Variants in SOBP observed in about 807,000 individuals in gnomAD.
SOBP encodes the protein sine oculis binding protein homolog.
A neutral mutation model predicts 53.6 loss-of-function variants in SOBP; 4 were observed. The observed-to-expected ratio is 0.07, with a 90% CI of 0.04 to 0.17. The LOEUF (loss-of-function observed/expected upper bound fraction) is 0.17, where lower values mean the gene tolerates loss of function less well. SOBP is among the 10% of genes least tolerant of loss of function. SOBP has a pLI of 1.00. For synonymous variants in SOBP, 584 were observed against 522.6 expected, an observed-to-expected ratio of 1.12 and a Z score of -1.60; for missense variants, 1,088 against 1,204.7, an observed-to-expected ratio of 0.90 and a Z score of 1.43.
At position 107,637,746 on chromosome 6, in the gene SOBP, G is replaced by A. The variant is rs1023316442; in HGVS notation, c.*3+2277G>A. Among the ~76,000 whole-genome samples, 3 of 152,222 alleles carry A rather than the reference G, an allele frequency of 2.0e-5. No homozygotes were observed. The South Asian group carries it at 6.2e-4, about 32-fold the overall frequency. ...CCATCATTGGAGTGAGAAGTGACCAGGTCAAGAATAGTGACACTAACATAT... is the reference window on the plus strand; with the variant it reads ...CCATCATTGGAGTGAGAAGTGACCAAGTCAAGAATAGTGACACTAACATAT... On this transcript the variant is annotated intron_variant, in intron 6 of 6. Transcript: ENST00000317357.
chr6:107,634,728 C>CAGCCCCCCG lies in SOBP; in HGVS notation c.1885_1893dup (p.Ser629_Pro631dup), dbSNP rs2115147479. ...TGGTGGACCTGACGCGGCGCGCCGG[C>CAGCCCCCCG]AGCCCCCCGGGCCCCCCGGGCGCGG... is the stretch of plus-strand genomic sequence containing the variant. On this transcript the variant is annotated inframe_insertion, in exon 6 of 7. Transcript: ENST00000317357. This position sits in a 1 kb window ranked among gnomAD's most constrained non-coding sequence, Gnocchi z 4.5. The CAGCCCCCCG allele has an allele frequency of 7.4e-7, 1 of 1,356,856 alleles. No homozygotes were observed. Among genetic ancestry groups the CAGCCCCCCG allele is most frequent in the Non-Finnish European group, 9.4e-7 (1 of 1,064,144 alleles). The allele number at this position is 1,356,856 out of a possible 1,614,324, so 84.1% of individuals were successfully genotyped here. A position where few individuals can be genotyped will look rare whatever the true frequency, so the allele number is the denominator to read the frequency against.
At chr6:107,596,582 A>G (rs1018582117) in intron 5 of SOBP, among the ~76,000 whole-genome samples, 2 of 152,204 alleles carry the variant, frequency 1.3e-5, no homozygotes, top group Admixed American at 1.3e-4. Context: ...TGAAATGTTA[A>G]ATCAATTAAG....
At chr6:107,495,863 A>G (rs1782686420) in intron 1 of SOBP, among the ~76,000 whole-genome samples, 1 of 152,118 alleles carries the variant, frequency 6.6e-6, no homozygotes, top group Non-Finnish European at 1.5e-5. Context: ...TAGAAGGTAT[A>G]CCATCAAAAT....
intron 6 of SOBP, among the ~76,000 whole-genome samples, chr6:107,643,614 T>C (rs1358017918): frequency 6.6e-6 from 1 of 151,732 alleles, no homozygotes; most frequent in Non-Finnish European, 1.5e-5. Flanking sequence ...AGAGATGGGG[T>C]TTCACCCTGT....
At chr6:107,594,651 G>T (rs530633955) in intron 5 of SOBP, among the ~76,000 whole-genome samples, 1 of 152,164 alleles carries the variant, frequency 6.6e-6, no homozygotes, top group East Asian at 1.9e-4. Flanking sequence ...ATAGCAAATG[G>T]ATGTGCCTCT....
At chr6:107,639,113 G>A (rs1583301671) in intron 6 of SOBP, among the ~76,000 whole-genome samples, 1 of 152,070 alleles carries the variant, frequency 6.6e-6, no homozygotes, top group East Asian at 1.9e-4. Context: ...ATGTTAGCTA[G>A]GCTGGTCTCA....
At chr6:107,560,271 G>A (rs976637849) in intron 4 of SOBP, among the ~76,000 whole-genome samples, 1 of 152,078 alleles carries the variant, frequency 6.6e-6, no homozygotes, top group East Asian at 1.9e-4. Flanking sequence ...GGTCTCCTGT[G>A]TAGATCCTGG....
At chr6:107,520,663 CTTTCT>C (rs902235024) in intron 3 of SOBP, among the ~76,000 whole-genome samples, 22 of 152,326 alleles carry the variant, frequency 1.4e-4, no homozygotes, top group Admixed American at 7.2e-4. Flanking sequence ...TGTGCCTTTC[CTTTCT>C]TGTTAGAGGG....
At position 107,659,586 on chromosome 6, in the gene SOBP, CAAAT is replaced by C. The variant is rs1772210880; in HGVS notation, c.*1387_*1390del. On this transcript the variant is annotated 3_prime_UTR_variant, in exon 7 of 7. Transcript: ENST00000317357. ...GATTCAGTGTATCTGTTTACTAACT[CAAAT>C]AAAGCAATTGTTCCCTCTGGAGGGG... is the stretch of plus-strand genomic sequence containing the variant. 6.6e-6 allele frequency: 1 copy of C among 152,290 alleles called. No individual in the cohort carries two copies. The highest frequency in any genetic ancestry group is 2.1e-4 in the South Asian group (1 of 4,804). The allele number at this position is 152,290 out of a possible 1,614,324, so 9.4% of individuals were successfully genotyped here. A position where few individuals can be genotyped will look rare whatever the true frequency, so the allele number is the denominator to read the frequency against.
intron 4 of SOBP, among the ~76,000 whole-genome samples, chr6:107,541,900 C>A (rs1562600630): frequency 1.3e-5 from 2 of 151,828 alleles, no homozygotes; most frequent in African/African-American, 4.8e-5. Context: ...CTCCCTACAG[C>A]TTTTTGTTTT....
At chr6:107,539,201 G>A (rs114097460) in intron 4 of SOBP, among the ~76,000 whole-genome samples, 2,899 of 152,328 alleles carry the variant, frequency 0.019, 96 homozygotes, top group African/African-American at 0.064. Context: ...TGAGCCACAT[G>A]TTGTGAGACT....
chr6:107,528,824 G>A (rs957828950), intron 3 of SOBP, among the ~76,000 whole-genome samples: 1 of 152,188 alleles, frequency 6.6e-6, no homozygotes, highest in African/African-American at 2.4e-5. Flanking sequence ...AGGTGTAGTG[G>A]TCAAGAGCTT....
intron 4 of SOBP, among the ~76,000 whole-genome samples, chr6:107,541,654 A>T (rs551613802): frequency 7.9e-5 from 12 of 152,260 alleles, no homozygotes; most frequent in Non-Finnish European, 1.8e-4. Context: ...AGTGATTTTT[A>T]TGTGGATCTC....
chr6:107,587,657 G>A (rs956556435), intron 5 of SOBP, among the ~76,000 whole-genome samples: 3 of 152,082 alleles, frequency 2.0e-5, no homozygotes, highest in Non-Finnish European at 4.4e-5. Context: ...AAACTTAATC[G>A]TCTCTCCTAT....
rs919214249 is a variant in SOBP at position 107,634,362 on chromosome 6, G to A, written c.1518G>A (p.Met506Ile). The A allele has an allele frequency of 3.1e-6, 5 of 1,593,144 alleles. No homozygotes were observed. In the African/African-American group the frequency reaches 6.7e-5, roughly 21 times the overall value. Residue 506 changes from methionine (M) to isoleucine (I), a missense_variant, in exon 6 of 7, where the codon ATG becomes ATA. Around this residue, in one of 6 missense-constraint regions of SOBP, gnomAD observed 665 missense variants for 629.7 expected, o/e 1.06. Coordinates refer to ENST00000317357, the MANE Select transcript of SOBP (RefSeq NM_018013.4). This position sits in a 1 kb window ranked among gnomAD's most constrained non-coding sequence, Gnocchi z 4.5. The stretch of plus-strand genomic sequence containing the variant: ...ATGGCCCGATGCCGGTGCCCCAGAT[G>A]ATGAATTTCGGGCTGCCGTCGCTTG... The part of the protein sequence containing the change: ...MPNGPMPVPQ[M>I]MNFGLPSLAP...
chr6:107,584,493 A>G (rs571049325), intron 4 of SOBP, among the ~76,000 whole-genome samples: 20 of 152,130 alleles, frequency 1.3e-4, no homozygotes, highest in African/African-American at 4.6e-4. Context: ...CATGCTTTTC[A>G]TTTCTGTGGC....
At chr6:107,503,402 A>G (rs1782893901) in intron 1 of SOBP, among the ~76,000 whole-genome samples, 1 of 152,214 alleles carries the variant, frequency 6.6e-6, no homozygotes, top group Non-Finnish European at 1.5e-5. Flanking sequence ...GGCAACACTA[A>G]CAAATATAGT....
chr6:107,575,932 G>T (rs1785211261), intron 4 of SOBP, among the ~76,000 whole-genome samples: 1 of 152,152 alleles, frequency 6.6e-6, no homozygotes. Context: ...ATCATCTGCA[G>T]AATGGCTGGG....
At chr6:107,549,950 G>C (rs1176607537) in intron 4 of SOBP, among the ~76,000 whole-genome samples, 3 of 152,198 alleles carry the variant, frequency 2.0e-5, no homozygotes, top group Non-Finnish European at 4.4e-5. Context: ...GTGCATGGGA[G>C]GAGACATGGA....
Sources: allele counts gnomAD v4.1 joint callset (sites outside exome capture counted in the v4.1 genomes callset), GRCh38; gene constraint gnomAD v4.1.1; regional missense constraint gnomAD v4.1.1; non-coding constraint Gnocchi (gnomAD v3.1); transcripts MANE v1.5; gene names NCBI Gene and HGNC (gene_info 2026-07-23, HGNC 2026-07-21).